Variants in WDR74 observed in about 807,000 individuals in gnomAD.
WDR74 encodes WD repeat domain 74.
In WDR74, 31 loss-of-function variants were observed where a neutral mutation model predicts 45.6. The ratio of observed to expected loss-of-function variants is 0.68; its 90% CI spans 0.51 to 0.92. WDR74 has a LOEUF of 0.92. WDR74 is among the 40% of genes least tolerant of loss of function. WDR74 has a pLI of 0.00. For synonymous variants in WDR74, 191 were observed against 192.4 expected (o/e 0.99, Z 0.06); for missense variants, 455 against 497.2 (o/e 0.92, Z 0.81).
intron 3 of WDR74, among the ~76,000 whole-genome samples, chr11:62,838,751 C>A (rs1313521034): frequency 6.8e-6 from 1 of 146,528 alleles, no homozygotes; most frequent in African/African-American, 2.6e-5. Flanking sequence ...AGAGCGAAAA[C>A]TCCGTCTCCA....
intron 8 of WDR74, 39 bp downstream of exon 8, chr11:62,834,237 T>G: frequency 6.2e-7 from 1 of 1,613,638 alleles, no homozygotes; most frequent in Non-Finnish European, 8.5e-7. Context: ...CCCTTCTCCC[T>G]GCTCCTTCCT....
intron 6 of WDR74, 136 bp downstream of exon 6, chr11:62,835,295 G>C (rs1042759374): frequency 2.7e-6 from 2 of 740,122 alleles, no homozygotes; most frequent in Non-Finnish European, 4.5e-6. Context: ...TCAGGGACAG[G>C]GTTGGAACAG....
upstream of WDR74, among the ~76,000 whole-genome samples, chr11:62,841,159 G>A (rs568326541): frequency 7.2e-5 from 11 of 152,158 alleles, no homozygotes; most frequent in East Asian, 1.9e-3. Flanking sequence ...TCTATTAAAA[G>A]TATAAAAATT....
At chr11:62,837,559 T>C (rs1392776796) in intron 3 of WDR74, among the ~76,000 whole-genome samples, 1 of 150,178 alleles carries the variant, frequency 6.7e-6, no homozygotes, top group Non-Finnish European at 1.5e-5. Context: ...CCAAATCAAA[T>C]GCTATTTATC....
Position 62,839,189 on chromosome 11 carries a change from T to A in WDR74, c.218A>T (p.Glu73Val). 2.5e-6 allele frequency: 4 copies of A among 1,613,722 alleles called. No homozygotes were observed. The highest frequency in any genetic ancestry group is 3.4e-6 in the Non-Finnish European group (4 of 1,179,890). The change falls in exon 3 of 11, where the codon GAG (glutamate) becomes GTG (valine). Residue 73 changes from glutamate to valine, a missense_variant. Glu to Val is a moderately radical substitution (Grantham distance 121, BLOSUM62 -2). Coordinates refer to ENST00000278856, the MANE Select transcript of WDR74 (RefSeq NM_001369450.1). ...TCTCTGACCCTGGAATATGCCATCC[T>A]CGGTGCTGAAGTGCTTCACCGTCCT... ...ADRTVKHFST[E>V]DGIFQGQRHC... is the part of the protein sequence containing the mutation.
At chr11:62,836,831 G>C (rs1318077182) in intron 3 of WDR74, among the ~76,000 whole-genome samples, 2 of 152,216 alleles carry the variant, frequency 1.3e-5, no homozygotes, top group Admixed American at 1.3e-4. Flanking sequence ...CCAGCACTTT[G>C]GGAGGCCAAG....
chr11:62,836,288 C>T (rs2084958897), intron 3 of WDR74: 5 of 455,448 alleles, frequency 1.1e-5, no homozygotes, highest in Non-Finnish European at 2.0e-5. Context: ...TCAACTTTCT[C>T]AACAGGGTGA....
At position 62,839,184 on chromosome 11, in the gene WDR74, C is replaced by T; in HGVS notation, c.223G>A (p.Gly75Ser). Residue 75 changes from glycine to serine, a missense_variant, in exon 3 of 11, where the codon GGC becomes AGC. Physicochemically the swap from Gly to Ser is moderately conservative, Grantham distance 56. Coordinates refer to ENST00000278856, the MANE Select transcript of WDR74 (RefSeq NM_001369450.1). ...CAGTGTCTCTGACCCTGGAATATGC[C>T]ATCCTCGGTGCTGAAGTGCTTCACC... is the stretch of plus-strand genomic sequence containing the variant. ...RTVKHFSTEDGIFQGQRHCPG... is the reference protein window; with the variant it reads ...RTVKHFSTEDSIFQGQRHCPG... The T allele has an allele frequency of 1.2e-6, 2 of 1,613,784 alleles. No homozygotes were observed. Among genetic ancestry groups the T allele is most frequent in the Non-Finnish European group, 1.7e-6 (2 of 1,179,906 alleles).
At chr11:62,835,379 TCCAGGAGGCTGCTTTATC>T in intron 6 of WDR74, 34 bp downstream of exon 6, 1 of 1,563,398 alleles carries the variant, frequency 6.4e-7, no homozygotes, top group Non-Finnish European at 8.8e-7. Context: ...GGGCCATTTC[TCCAGGAGGCTGCTTTATC>T]CCAGGAGAAG....
intron 9 of WDR74, 21 bp from the exon 10 acceptor site, chr11:62,833,695 T>C (rs2084912615): frequency 6.4e-7 from 1 of 1,567,590 alleles, no homozygotes; most frequent in African/African-American, 1.4e-5. Flanking sequence ...TGAGGGACCT[T>C]AAGGAGCCAG....
At chr11:62,841,648 A>T (rs1024793464), upstream of WDR74, 2 of 152,240 alleles carry the variant, frequency 1.3e-5, no homozygotes, top group Admixed American at 1.3e-4. Flanking sequence ...GAAGTACTGC[A>T]ATACCAGGTC....
At position 62,832,971 on chromosome 11, in the gene WDR74, G is replaced by A. The variant is rs2084892692; in HGVS notation, c.1139C>T (p.Pro380Leu). 6.2e-7 allele frequency: 1 copy of A among 1,607,118 alleles called. No homozygotes were observed. Among genetic ancestry groups the A allele is most frequent in the Non-Finnish European group, 8.5e-7 (1 of 1,177,102 alleles). The change falls in exon 11 of 11, where the codon CCT becomes CTT. Residue 380 changes from proline (P) to leucine (L), a missense_variant. By Grantham distance (98) the Pro-to-Leu change is moderately conservative (BLOSUM62 -3). Transcript: ENST00000278856. ...GGGGCGTCAGGGGCTGGTGGACCCA[G>A]GCCGCTTCTTCTTTCTCCGTCTCGT... Reference protein sequence around the residue: ...LQTRRRKKKRPGSTSP With the variant: ...LQTRRRKKKRLGSTSP
Position 62,833,610 on chromosome 11 carries a change from C to A in WDR74, c.978+8G>T. ...TTGGCTCCCACATTCCCGGGCCCAACTGCTCACCTCCCAGTTGTCCCTGCC... is the reference window on the plus strand; with the variant it reads ...TTGGCTCCCACATTCCCGGGCCCAAATGCTCACCTCCCAGTTGTCCCTGCC... On this transcript the variant is annotated splice_region_variant and intron_variant, in intron 10 of 10. Transcript: ENST00000278856. 6.4e-7 allele frequency: 1 copy of A among 1,551,842 alleles called. No individual in the cohort carries two copies.
chr11:62,837,230 C>T (rs978163993), intron 3 of WDR74, among the ~76,000 whole-genome samples: 3 of 152,164 alleles, frequency 2.0e-5, no homozygotes, highest in East Asian at 3.9e-4. Context: ...CAGTGGTTCA[C>T]GCCTGTAATC....
chr11:62,838,426 A>G (rs1280081571), intron 3 of WDR74, among the ~76,000 whole-genome samples: 1 of 151,322 alleles, frequency 6.6e-6, no homozygotes, highest in African/African-American at 2.4e-5. Context: ...AAGTGCTGGG[A>G]TGACAGGCAT....
intron 6 of WDR74, chr11:62,834,821 C>T (rs773801926): frequency 7.2e-6 from 3 of 416,474 alleles, no homozygotes; most frequent in Non-Finnish European, 1.3e-5. Context: ...GCAAGTTGGT[C>T]TAGTAGTCAG....
chr11:62,839,008 C>G, intron 3 of WDR74, 106 bp downstream of exon 3: 1 of 1,518,780 alleles, frequency 6.6e-7, no homozygotes. Context: ...GTCACCCATT[C>G]AAAGCCGTGT....
At chr11:62,840,005 A>T (rs935728151), upstream of WDR74, 2 of 155,390 alleles carry the variant, frequency 1.3e-5, no homozygotes, top group African/African-American at 4.9e-5. Flanking sequence ...GAAACCGACG[A>T]TTTTTTTTTT....
chr11:62,836,219 C>CTTT, intron 3 of WDR74, 183 bp from the exon 4 acceptor site: 2 of 606,728 alleles, frequency 3.3e-6, no homozygotes, highest in South Asian at 2.0e-5. Flanking sequence ...AGAAGGAAGC[C>CTTT]TCTAGGTCAC....
Sources: gnomAD v4.1 joint callset for allele counts (sites outside exome capture counted in the v4.1 genomes callset) on GRCh38, gnomAD v4.1.1 for gene constraint, MANE v1.5 for transcripts, NCBI Gene and HGNC (gene_info 2026-07-23, HGNC 2026-07-21) for gene names.